The following DGKB variants were observed in gnomAD, a reference collection of about 807,000 sequenced individuals.
The protein encoded by DGKB is diacylglycerol kinase beta, also known as 90 kDa diacylglycerol kinase.
DGKB carries 67 observed loss-of-function variants against 114.3 expected under a neutral mutation model. That is an observed-to-expected ratio of 0.59 (90% CI 0.48 to 0.72). The LOEUF (loss-of-function observed/expected upper bound fraction) is 0.72. Among genes scored for constraint, DGKB ranks in the 30% least tolerant of loss-of-function variants. The pLI, the probability that DGKB is intolerant of heterozygous loss-of-function variation, is 0.00. For missense variants in DGKB, 907 were observed against 975.2 expected, an observed-to-expected ratio of 0.93 and a Z score of 0.93; for synonymous variants, 398 against 323.1, an observed-to-expected ratio of 1.23 and a Z score of -2.49.
At chr7:14,850,747 C>T (rs1369585187) in intron 1 of DGKB, among the ~76,000 whole-genome samples, 2 of 152,112 alleles carry the variant, frequency 1.3e-5, no homozygotes, top group African/African-American at 4.8e-5. Flanking sequence ...GAGTTAAAAG[C>T]CAATTGCATA....
At chr7:14,163,477 A>ATGTT (rs1784198182) in intron 25 of DGKB, among the ~76,000 whole-genome samples, 2 of 152,236 alleles carry the variant, frequency 1.3e-5, no homozygotes, top group African/African-American at 4.8e-5. Context: ...GGAAAAATAA[A>ATGTT]TGTTTAAAAT....
At chr7:14,905,038 T>C (rs78335487), upstream of DGKB, among the ~76,000 whole-genome samples, 1,606 of 152,258 alleles carry the variant, frequency 0.011, 30 homozygotes, top group African/African-American at 0.035. Context: ...TTTTGGTTAT[T>C]GTTTTTTGTT....
intron 13 of DGKB, among the ~76,000 whole-genome samples, chr7:14,671,446 T>C (rs1818947914): frequency 6.6e-6 from 1 of 152,160 alleles, no homozygotes; most frequent in African/African-American, 2.4e-5. Context: ...TGATTAGAGA[T>C]GAATCTTCAG....
chr7:14,696,881 A>G (rs551113277), intron 8 of DGKB, among the ~76,000 whole-genome samples: 2 of 152,350 alleles, frequency 1.3e-5, no homozygotes, highest in South Asian at 2.1e-4. Flanking sequence ...GGAAAATGCT[A>G]TCAGAGTTCT....
At chr7:14,474,553 G>A (rs1781882436) in intron 21 of DGKB, among the ~76,000 whole-genome samples, 1 of 152,034 alleles carries the variant, frequency 6.6e-6, no homozygotes, top group Non-Finnish European at 1.5e-5. Context: ...ATTCCACACT[G>A]CTTTGCATGT....
At chr7:14,631,521 T>A (rs1189749237) in intron 13 of DGKB, among the ~76,000 whole-genome samples, 2 of 151,974 alleles carry the variant, frequency 1.3e-5, no homozygotes, top group Admixed American at 6.6e-5. Flanking sequence ...AGCCACGAAG[T>A]GGAAGAGTAT....
intron 21 of DGKB, among the ~76,000 whole-genome samples, chr7:14,392,995 G>GTTTTTGTTTTTTTTTTTTTT: frequency 0.016 from 953 of 60,356 alleles, 22 homozygotes; most frequent in South Asian, 0.041. Context: ...TTTTGTTTTT[G>GTTTTTGTTTTTTTTTTTTTT]TTTTTTTTTT....
chr7:14,508,067 T>A (rs1787378956), intron 20 of DGKB, among the ~76,000 whole-genome samples: 1 of 152,220 alleles, frequency 6.6e-6, no homozygotes, highest in Non-Finnish European at 1.5e-5. Context: ...GACTTCTCAA[T>A]AGACAATCAG....
chr7:14,759,450 A>G (rs1484422352), intron 2 of DGKB, among the ~76,000 whole-genome samples: 1 of 151,924 alleles, frequency 6.6e-6, no homozygotes, highest in Non-Finnish European at 1.5e-5. Flanking sequence ...TCATTAGCCT[A>G]TTTTCTGTGT....
chr7:14,458,530 G>A (rs1563225881), intron 21 of DGKB, among the ~76,000 whole-genome samples: 1 of 152,084 alleles, frequency 6.6e-6, no homozygotes. Context: ...GTTAGACAGT[G>A]GGTGCAGCCC....
chr7:14,705,190 G>A (rs1006574868), intron 6 of DGKB, among the ~76,000 whole-genome samples: 26 of 152,138 alleles, frequency 1.7e-4, no homozygotes, highest in African/African-American at 3.1e-4. Context: ...CTCAGGAGCC[G>A]ATGCGATCAA....
At chr7:14,216,772 T>A (rs1308604810) in intron 23 of DGKB, among the ~76,000 whole-genome samples, 1 of 151,438 alleles carries the variant, frequency 6.6e-6, no homozygotes, top group Non-Finnish European at 1.5e-5. Context: ...AGTTCCCTCT[T>A]TTGTCAACGT....
At chr7:14,300,261 C>T (rs1366877305) in intron 23 of DGKB, among the ~76,000 whole-genome samples, 1 of 151,974 alleles carries the variant, frequency 6.6e-6, no homozygotes, top group Admixed American at 6.6e-5. Context: ...CAAAGTGCAC[C>T]TCATTTTTCC....
intron 21 of DGKB, among the ~76,000 whole-genome samples, chr7:14,458,598 C>G (rs147440952): frequency 6.6e-6 from 1 of 152,234 alleles, no homozygotes; most frequent in African/African-American, 2.4e-5. Flanking sequence ...CACAAGGGGT[C>G]AGAGAACTCC....
intron 23 of DGKB, among the ~76,000 whole-genome samples, chr7:14,278,800 A>G (rs1799414675): frequency 1.3e-5 from 2 of 152,208 alleles, no homozygotes; most frequent in Admixed American, 6.5e-5. Context: ...CAAACAACTC[A>G]ATAGGAAGAA....
chr7:14,298,192 T>C (rs1192524760), intron 23 of DGKB, among the ~76,000 whole-genome samples: 1 of 152,100 alleles, frequency 6.6e-6, no homozygotes, highest in Non-Finnish European at 1.5e-5. Context: ...CTTCACATAA[T>C]TAGAAAAAAC....
chr7:14,270,582 T>G (rs1029743522), intron 23 of DGKB, among the ~76,000 whole-genome samples: 3 of 152,236 alleles, frequency 2.0e-5, no homozygotes, highest in African/African-American at 7.2e-5. Flanking sequence ...AATCTGAGTC[T>G]TTGTCCATGT....
chr7:14,295,931 CTACTTA>C (rs995355164), intron 23 of DGKB, among the ~76,000 whole-genome samples: 1 of 152,020 alleles, frequency 6.6e-6, no homozygotes, highest in African/African-American at 2.4e-5. Flanking sequence ...TGTTCAACTC[CTACTTA>C]TGAGTGAGAA....
chr7:14,822,768 T>C (rs1845119210), intron 2 of DGKB, among the ~76,000 whole-genome samples: 2 of 152,170 alleles, frequency 1.3e-5, no homozygotes, highest in Admixed American at 1.3e-4. Flanking sequence ...GAAGGTTAAA[T>C]ATTAACTACG....
Sources: gnomAD v4.1 joint callset for allele counts (sites outside exome capture counted in the v4.1 genomes callset) on GRCh38, gnomAD v4.1.1 for gene constraint, MANE v1.5 for transcripts, NCBI Gene and HGNC (gene_info 2026-07-23, HGNC 2026-07-21) for gene names.